The following SIPA1L3 variants were observed in gnomAD, a reference collection of about 807,000 sequenced individuals.
SIPA1L3 encodes the protein signal-induced proliferation-associated 1-like protein 3.
Under a neutral mutation model 150.1 loss-of-function variants are expected in SIPA1L3, and 59 were observed. The ratio of observed to expected loss-of-function variants is 0.39; its 90% CI spans 0.32 to 0.49. The LOEUF (loss-of-function observed/expected upper bound fraction) is 0.49, where lower values mean the gene tolerates loss of function less well. Among genes scored for constraint, SIPA1L3 ranks in the 20% least tolerant of loss-of-function variants. The pLI is 0.86. For synonymous variants in SIPA1L3, 1,070 were observed against 1,077.6 expected, an observed-to-expected ratio of 0.99 and a Z score of 0.14; for missense variants, 2,211 against 2,489.5, an observed-to-expected ratio of 0.89 and a Z score of 2.38.
At chr19:38,029,920 T>C (rs928892503) in intron 2 of SIPA1L3, among the ~76,000 whole-genome samples, 1 of 149,416 alleles carries the variant, frequency 6.7e-6, no homozygotes, top group African/African-American at 2.5e-5. Flanking sequence ...AGTGGCGCCA[T>C]CTCAGCTCAC....
chr19:37,948,822 T>C (rs756146763), intron 1 of SIPA1L3, among the ~76,000 whole-genome samples: 3 of 152,176 alleles, frequency 2.0e-5, no homozygotes, highest in Non-Finnish European at 4.4e-5. Flanking sequence ...GGCAGGCCTC[T>C]AAAGAGGTTG....
At chr19:38,016,639 C>T (rs1339974888) in intron 1 of SIPA1L3, among the ~76,000 whole-genome samples, 5 of 152,066 alleles carry the variant, frequency 3.3e-5, no homozygotes, top group African/African-American at 1.2e-4. Context: ...ATTACGGGCA[C>T]ATGCCACCAC....
chr19:38,121,752 TAAAC>T (rs750966413), intron 9 of SIPA1L3, among the ~76,000 whole-genome samples: 31 of 124,502 alleles, frequency 2.5e-4, no homozygotes, highest in Non-Finnish European at 2.6e-4. Flanking sequence ...AAAAAATAAA[TAAAC>T]AAACAAAAAA....
chr19:37,970,609 TC>T (rs1277195875), intron 1 of SIPA1L3, among the ~76,000 whole-genome samples: 1 of 152,116 alleles, frequency 6.6e-6, no homozygotes, highest in African/African-American at 2.4e-5. Context: ...AGGGAAGAGG[TC>T]CCTGAACTGG....
chr19:38,106,512 G>A, intron 6 of SIPA1L3, 25 bp from the exon 7 acceptor site: 1 of 1,509,436 alleles, frequency 6.6e-7, no homozygotes, highest in Non-Finnish European at 9.2e-7. Flanking sequence ...TGGAAACATG[G>A]TCCTAACTGG....
intron 12 of SIPA1L3, among the ~76,000 whole-genome samples, chr19:38,144,069 C>T (rs995011164): frequency 6.6e-6 from 1 of 152,188 alleles, no homozygotes; most frequent in Admixed American, 6.5e-5. Flanking sequence ...TCACACTCCT[C>T]GCCCACACTC....
rs185486807 is a variant in SIPA1L3 at position 38,076,723 on chromosome 19, A to G, written c.-310-4533A>G. Among the ~76,000 whole-genome samples the G allele has an allele frequency of 2.6e-5, 4 of 152,316 alleles. No individual in the cohort carries two copies. The East Asian group carries it at 7.7e-4, about 29-fold the overall frequency. ...ACAAGAAAATATGCAATTGCTTGATATGTGCCATCGATGGAGATCTGCAGC... is the reference window on the plus strand; with the variant it reads ...ACAAGAAAATATGCAATTGCTTGATGTGTGCCATCGATGGAGATCTGCAGC... On this transcript the variant is annotated intron_variant, in intron 2 of 21. Transcript: ENST00000222345.
intron 1 of SIPA1L3, among the ~76,000 whole-genome samples, chr19:38,024,392 G>A (rs1282730960): frequency 1.3e-5 from 2 of 152,114 alleles, no homozygotes; most frequent in African/African-American, 4.8e-5. Flanking sequence ...TATAAAGCAG[G>A]AAAAAATGGA....
rs186593321 is a variant in SIPA1L3, at chr19:38,014,692, C to T, written c.-378-14397C>T. On this transcript the variant is annotated intron_variant, in intron 1 of 21. Transcript: ENST00000222345. ...GGCTAATTTTTTTTTTTTTTTGAGA[C>T]GGAGCCTTGCTCTGTCGCCCAGGCT... is the stretch of plus-strand genomic sequence containing the variant. Among the ~76,000 whole-genome samples, 686 of 145,118 alleles carry T rather than the reference C, an allele frequency of 4.7e-3. 13 individuals are homozygous for T. Among genetic ancestry groups the T allele is most frequent in the African/African-American group, 0.016 (640 of 39,150 alleles).
chr19:37,944,960 T>C (rs1473779442), intron 1 of SIPA1L3, among the ~76,000 whole-genome samples: 1 of 152,038 alleles, frequency 6.6e-6, no homozygotes, highest in Admixed American at 6.6e-5. Flanking sequence ...CATAAATAAA[T>C]AAATAAATAA....
At chr19:38,102,239 G>A (rs1181209280) in intron 6 of SIPA1L3, among the ~76,000 whole-genome samples, 5 of 149,602 alleles carry the variant, frequency 3.3e-5, no homozygotes, top group Non-Finnish European at 7.4e-5. Context: ...TAGAGATGGG[G>A]ATTTACTATA....
intron 8 of SIPA1L3, among the ~76,000 whole-genome samples, chr19:38,111,035 T>G (rs1277708157): frequency 4.0e-5 from 6 of 150,932 alleles, no homozygotes; most frequent in African/African-American, 1.5e-4. Context: ...TTTTTTTTTT[T>G]TTTTTTAAGA....
At chr19:38,102,378 A>G (rs572428501) in intron 6 of SIPA1L3, among the ~76,000 whole-genome samples, 30 of 151,760 alleles carry the variant, frequency 2.0e-4, no homozygotes, top group African/African-American at 7.0e-4. Context: ...AGGTCTTGCT[A>G]TGTTACCCAG....
chr19:38,122,692 C>T (rs532432669), intron 9 of SIPA1L3, among the ~76,000 whole-genome samples: 2 of 152,322 alleles, frequency 1.3e-5, no homozygotes, highest in Admixed American at 1.3e-4. Flanking sequence ...TCTCTGACCT[C>T]ATGTCACTGT....
At chr19:38,078,780 C>T (rs1421327287) in intron 2 of SIPA1L3, among the ~76,000 whole-genome samples, 6 of 152,170 alleles carry the variant, frequency 3.9e-5, no homozygotes, top group Admixed American at 3.3e-4. Context: ...AAAATCAGTT[C>T]CGTTGGCAGG....
Position 38,164,585 on chromosome 19 carries a change from C to T in SIPA1L3, c.3887C>T (p.Pro1296Leu), listed in dbSNP as rs1464286844. The change falls in exon 15 of 22, where the codon CCA (proline) becomes CTA (leucine). Residue 1296 changes from proline to leucine, a missense_variant. Pro to Leu is a moderately conservative substitution (Grantham distance 98). Coordinates refer to ENST00000222345, the MANE Select transcript of SIPA1L3 (RefSeq NM_015073.3). This position sits in a 1 kb window ranked among gnomAD's most constrained non-coding sequence, Gnocchi z 4.1. Reference sequence around the variant, plus strand: ...TTCGACCCCCTGGACCCCCTGGAGCCAGAGCAAGACCCCCTCTCCAAGGGT... The same window carrying T: ...TTCGACCCCCTGGACCCCCTGGAGCTAGAGCAAGACCCCCTCTCCAAGGGT... ...RWFDPLDPLE[P>L]EQDPLSKGGS... 12 of 1,614,002 alleles carry T rather than the reference C, an allele frequency of 7.4e-6. No homozygotes were observed. Among genetic ancestry groups the T allele is most frequent in the Non-Finnish European group, 8.5e-6 (10 of 1,180,018 alleles).
chr19:37,976,069 C>T (rs1967066951), intron 1 of SIPA1L3, among the ~76,000 whole-genome samples: 1 of 150,192 alleles, frequency 6.7e-6, no homozygotes, highest in Non-Finnish European at 1.5e-5. Context: ...TGCACCAGTG[C>T]ACTCCTGCCT....
At chr19:38,006,005 G>A (rs1273139222) in intron 1 of SIPA1L3, among the ~76,000 whole-genome samples, 1 of 152,250 alleles carries the variant, frequency 6.6e-6, no homozygotes, top group East Asian at 1.9e-4. Context: ...CCACTGCACT[G>A]CAAGCCTGGG....
At chr19:37,974,277 T>C (rs1407433025) in intron 1 of SIPA1L3, among the ~76,000 whole-genome samples, 4 of 152,052 alleles carry the variant, frequency 2.6e-5, no homozygotes, top group African/African-American at 9.7e-5. Context: ...TCCCAACACT[T>C]TGGGAGGCCG....
Sources: allele counts gnomAD v4.1 joint callset (sites outside exome capture counted in the v4.1 genomes callset), GRCh38; gene constraint gnomAD v4.1.1; non-coding constraint Gnocchi (gnomAD v3.1); transcripts MANE v1.5; gene names NCBI Gene and HGNC (gene_info 2026-07-23, HGNC 2026-07-21).